The following IL1RAPL2 variants were observed in gnomAD, a reference collection of about 807,000 sequenced individuals.
IL1RAPL2 encodes X-linked interleukin-1 receptor accessory protein-like 2.
IL1RAPL2 carries 3 observed loss-of-function variants against 44.1 expected under a neutral mutation model. That is an observed-to-expected ratio of 0.07 (90% CI 0.03 to 0.18). The LOEUF is 0.18. Ranked by LOEUF, IL1RAPL2 falls within the 10% of genes least tolerant of loss-of-function variation. IL1RAPL2 has a pLI of 1.00. For synonymous variants in IL1RAPL2, 181 were observed against 178.8 expected (o/e 1.01, Z -0.10); for missense variants, 391 against 496.4 (o/e 0.79, Z 2.02).
At chrX:105,038,282 C>T (rs1343609784) in intron 2 of IL1RAPL2, among the ~76,000 whole-genome samples, 1 of 111,831 alleles carries the variant, frequency 8.9e-6, no homozygotes, top group Non-Finnish European at 1.9e-5. Context: ...TTATACTCAA[C>T]CTCTCAGTAG....
intron 1 of IL1RAPL2, among the ~76,000 whole-genome samples, chrX:104,585,326 A>AT (rs1928517955): frequency 3.1e-4 from 6 of 19,460 alleles, no homozygotes; most frequent in South Asian, 1.6e-3. Context: ...TATATTATAT[A>AT]TAATATATAT....
At chrX:105,051,485 G>A (rs2031924067) in intron 2 of IL1RAPL2, among the ~76,000 whole-genome samples, 1 of 112,958 alleles carries the variant, frequency 8.9e-6, no homozygotes, top group Non-Finnish European at 1.9e-5. Flanking sequence ...GCCAGCTGCA[G>A]CTGCATCCGA....
At chrX:105,147,550 A>G (rs966309195) in intron 2 of IL1RAPL2, among the ~76,000 whole-genome samples, 3 of 111,587 alleles carry the variant, frequency 2.7e-5, no homozygotes, top group South Asian at 3.7e-4. Flanking sequence ...TTCTCTTTCT[A>G]TGCCTGTTCT....
At chrX:104,951,376 A>T (rs1351086138) in intron 2 of IL1RAPL2, among the ~76,000 whole-genome samples, 1 of 112,302 alleles carries the variant, frequency 8.9e-6, no homozygotes, top group Admixed American at 9.4e-5. Flanking sequence ...TAAACCTAAT[A>T]GTCAGGAAAT....
At chrX:104,588,358 C>T (rs1228029015) in intron 1 of IL1RAPL2, among the ~76,000 whole-genome samples, 3 of 111,357 alleles carry the variant, frequency 2.7e-5, no homozygotes, top group Non-Finnish European at 5.6e-5. Context: ...TATTTATCCC[C>T]CACTTGCACA....
intron 5 of IL1RAPL2, among the ~76,000 whole-genome samples, chrX:105,447,920 T>G (rs970724381): frequency 1.0e-5 from 1 of 96,561 alleles, no homozygotes; most frequent in African/African-American, 3.7e-5. Flanking sequence ...AATATAAATA[T>G]ATAAATATAT....
intron 5 of IL1RAPL2, among the ~76,000 whole-genome samples, chrX:105,456,380 G>T (rs1180290296): frequency 9.0e-6 from 1 of 111,375 alleles, no homozygotes; most frequent in African/African-American, 3.3e-5. Context: ...GTGACAGAGG[G>T]CATCCTTGTC....
intron 1 of IL1RAPL2, among the ~76,000 whole-genome samples, chrX:104,632,955 C>T (rs1053595882): frequency 8.1e-5 from 9 of 111,431 alleles, no homozygotes; most frequent in South Asian, 3.8e-4. Flanking sequence ...TTTGCCCATT[C>T]GGTATGATAT....
Position 104,803,150 on chromosome X carries a change from T to C in IL1RAPL2, c.82+144155T>C, listed in dbSNP as rs75835995. Among the ~76,000 whole-genome samples the C allele has an allele frequency of 1.5e-3, 168 of 111,928 alleles. 6 individuals carry two copies. In the East Asian group the frequency reaches 0.041, roughly 27 times the overall value. On this transcript the variant is annotated intron_variant, in intron 2 of 10. Transcript: ENST00000372582. ...GATTCATTAAGTTCATAACAAGCTG[T>C]CCTTGCAGGAGGTAAGTCTGTTAGG...
chrX:105,041,967 G>A (rs1408514604), intron 2 of IL1RAPL2, among the ~76,000 whole-genome samples: 10 of 110,479 alleles, frequency 9.1e-5, no homozygotes, highest in Admixed American at 2.9e-4. Flanking sequence ...AGAGAAGCAA[G>A]AAATGGGGAA....
chrX:105,078,372 C>T (rs1005964598), intron 2 of IL1RAPL2, among the ~76,000 whole-genome samples: 2 of 111,341 alleles, frequency 1.8e-5, no homozygotes, highest in African/African-American at 3.3e-5. Flanking sequence ...GCAAATGCTG[C>T]TGCCTGATCG....
chrX:104,877,807 G>C (rs1034701051), intron 2 of IL1RAPL2, among the ~76,000 whole-genome samples: 1 of 111,204 alleles, frequency 9.0e-6, no homozygotes, highest in African/African-American at 3.3e-5. Flanking sequence ...CTCAGTCTGT[G>C]AATAAACAAT....
At chrX:105,091,946 T>C (rs770857208) in intron 2 of IL1RAPL2, among the ~76,000 whole-genome samples, 1 of 112,052 alleles carries the variant, frequency 8.9e-6, no homozygotes, top group Non-Finnish European at 1.9e-5. Flanking sequence ...ATTGAGACAA[T>C]GTGTATGTAA....
chrX:104,840,366 G>A (rs1158284110), intron 2 of IL1RAPL2, among the ~76,000 whole-genome samples: 5 of 111,879 alleles, frequency 4.5e-5, no homozygotes, highest in Non-Finnish European at 7.5e-5. Context: ...CCATGTAGTC[G>A]TGTGGTTTTG....
intron 2 of IL1RAPL2, among the ~76,000 whole-genome samples, chrX:104,976,901 C>CAAA (rs113514364): frequency 1.0e-5 from 1 of 97,315 alleles, no homozygotes; most frequent in Non-Finnish European, 2.0e-5. Context: ...GAGCCAAAGC[C>CAAA]AAAAAAAAAA....
intron 2 of IL1RAPL2, among the ~76,000 whole-genome samples, chrX:105,134,302 T>G (rs112701351): frequency 0.087 from 9,796 of 112,050 alleles, 1,042 homozygotes; most frequent in African/African-American, 0.3. Context: ...ATAAAAGTTG[T>G]AGAACCAGTA....
chrX:105,133,609 A>G (rs1220848801), intron 2 of IL1RAPL2, among the ~76,000 whole-genome samples: 1 of 111,777 alleles, frequency 8.9e-6, no homozygotes, highest in Non-Finnish European at 1.9e-5. Context: ...CTGCTATAAC[A>G]AAATACTTTA....
At position 105,599,617 on chromosome X, in the gene IL1RAPL2, T is replaced by TA. The variant is rs199984195; in HGVS notation, c.772+115239dup. On this transcript the variant is annotated intron_variant, in intron 6 of 10. Coordinates refer to ENST00000372582, the MANE Select transcript of IL1RAPL2 (RefSeq NM_017416.2). ...ATAATATTATATTTCAATCTTTTTT[T>TA]AAAAAAAAATCAAATTTAATGCAGA... 2.6e-4 allele frequency among the ~76,000 whole-genome samples: 29 copies of TA among 110,359 alleles called. 1 individual carries two copies. Among genetic ancestry groups the TA allele is most frequent in the South Asian group, 1.9e-3 (5 of 2,602 alleles).
At chrX:105,192,476 C>A (rs2033640619) in intron 2 of IL1RAPL2, among the ~76,000 whole-genome samples, 1 of 111,422 alleles carries the variant, frequency 9.0e-6, no homozygotes, top group East Asian at 2.8e-4. Context: ...GTGCTACATC[C>A]TTTTCTACCT....
Sources: allele counts gnomAD v4.1 joint callset (sites outside exome capture counted in the v4.1 genomes callset), GRCh38; gene constraint gnomAD v4.1.1; transcripts MANE v1.5; gene names NCBI Gene and HGNC (gene_info 2026-07-23, HGNC 2026-07-21).